Variants in NNT observed in about 807,000 individuals in gnomAD.
NNT encodes the protein nicotinamide nucleotide transhydrogenase.
In NNT, 50 loss-of-function variants were observed where a neutral mutation model predicts 104.8. The observed-to-expected ratio is 0.48, with a 90% CI of 0.38 to 0.60. The LOEUF (loss-of-function observed/expected upper bound fraction) is 0.60. NNT is among the 20% of genes least tolerant of loss of function. NNT has a pLI of 0.00. For missense variants in NNT, 1,131 were observed against 1,330.7 expected, an observed-to-expected ratio of 0.85 and a Z score of 2.33; for synonymous variants, 461 against 490.4, an observed-to-expected ratio of 0.94 and a Z score of 0.79.
chr5:43,606,331 C>A (rs932400068), intron 1 of NNT, among the ~76,000 whole-genome samples: 3 of 152,144 alleles, frequency 2.0e-5, no homozygotes, highest in Non-Finnish European at 4.4e-5. Context: ...CAAGAATAAT[C>A]TTTTACACAT....
Position 43,704,941 on chromosome 5 carries a change from A to G in NNT, c.*537A>G, listed in dbSNP as rs72760484. The G allele has an allele frequency of 6.5e-6, 1 of 152,724 alleles. No homozygotes were observed. Among genetic ancestry groups the G allele is most frequent in the Non-Finnish European group, 1.5e-5 (1 of 68,398 alleles). The allele number at this position is 152,724 out of a possible 1,614,324, so 9.5% of individuals were successfully genotyped here. A position where few individuals can be genotyped will look rare whatever the true frequency, so the allele number is the denominator to read the frequency against. ...CATATCAAATCAGTTTTAATTTTTT[A>G]AATTGTACTTCAGAGTCTATATTTC... On this transcript the variant is annotated 3_prime_UTR_variant, in exon 22 of 22. Transcript: ENST00000344920.
Position 43,645,653 on chromosome 5 carries a change from A to ATC in NNT, c.1444+173_1444+174dup, listed in dbSNP as rs372296149. ...TATATATCTACACATCTATCTATCT[A>ATC]TCTCTCTCTCTCTCTCTCTCTCTCT... On this transcript the variant is annotated intron_variant, in intron 10 of 21. Coordinates refer to ENST00000344920, the MANE Select transcript of NNT (RefSeq NM_182977.3). 482 of 68,550 alleles carry ATC rather than the reference A, an allele frequency of 7.0e-3. 3 individuals are homozygous for ATC. Among genetic ancestry groups the ATC allele is most frequent in the Non-Finnish European group, 8.2e-3 (324 of 39,292 alleles). The allele number at this position is 68,550 out of a possible 1,614,324, so 4.2% of individuals were successfully genotyped here. A position where few individuals can be genotyped will look rare whatever the true frequency, so the allele number is the denominator to read the frequency against.
rs1304171400 is a variant in NNT, at chr5:43,620,199, A to C, written c.687+1080A>C. Among the ~76,000 whole-genome samples, 22 of 152,156 alleles carry C rather than the reference A, an allele frequency of 1.4e-4. 1 individual carries two copies. The highest frequency in any genetic ancestry group is 1.5e-5 in the Non-Finnish European group (1 of 68,022). ...TAAATGTGATCATTTACCTACCTGT[A>C]GGTTACAGGTTAACTGGTGCTTCCT... On this transcript the variant is annotated intron_variant, in intron 5 of 21. Coordinates refer to ENST00000344920, the MANE Select transcript of NNT (RefSeq NM_182977.3).
At chr5:43,687,138 C>T (rs1400176391) in intron 19 of NNT, among the ~76,000 whole-genome samples, 1 of 151,990 alleles carries the variant, frequency 6.6e-6, no homozygotes, top group African/African-American at 2.4e-5. Flanking sequence ...TCAAGGAACT[C>T]TTAGGAGAGC....
At chr5:43,671,274 C>G (rs1358091756) in intron 17 of NNT, among the ~76,000 whole-genome samples, 1 of 152,090 alleles carries the variant, frequency 6.6e-6, no homozygotes, top group Non-Finnish European at 1.5e-5. Context: ...GAGCATTTAG[C>G]CCATTTACAT....
intron 4 of NNT, 37 bp downstream of exon 4, chr5:43,616,102 A>G (rs1749772469): frequency 6.5e-7 from 1 of 1,531,298 alleles, no homozygotes; most frequent in Admixed American, 1.7e-5. Context: ...CAAAAGCGCA[A>G]TAGTGCTACA....
At chr5:43,685,942 G>A (rs1741964984) in intron 19 of NNT, among the ~76,000 whole-genome samples, 1 of 152,034 alleles carries the variant, frequency 6.6e-6, no homozygotes, top group South Asian at 2.1e-4. Flanking sequence ...TTATAAAAGA[G>A]GCTTTTAAAA....
At chr5:43,670,906 G>A (rs113331713) in intron 17 of NNT, among the ~76,000 whole-genome samples, 1 of 151,998 alleles carries the variant, frequency 6.6e-6, no homozygotes, top group African/African-American at 2.4e-5. Flanking sequence ...CGTTATTATT[G>A]TATGGGAGTC....
chr5:43,656,618 A>G (rs761495486), intron 15 of NNT, 35 bp from the exon 16 acceptor site: 4 of 1,561,720 alleles, frequency 2.6e-6, no homozygotes, highest in African/African-American at 2.7e-5. Flanking sequence ...CTTACAACAC[A>G]TTCTGAATTG....
chr5:43,639,459 C>A (rs1434451157), intron 7 of NNT, among the ~76,000 whole-genome samples: 1 of 152,078 alleles, frequency 6.6e-6, no homozygotes, highest in African/African-American at 2.4e-5. Context: ...CAAATAACTG[C>A]CAACCAATTG....
At chr5:43,686,711 A>G (rs1742009978) in intron 19 of NNT, among the ~76,000 whole-genome samples, 1 of 152,158 alleles carries the variant, frequency 6.6e-6, no homozygotes, top group Non-Finnish European at 1.5e-5. Flanking sequence ...ACAAAAATGT[A>G]TTTGAACAGG....
chr5:43,678,073 T>G (rs565165171), intron 19 of NNT, among the ~76,000 whole-genome samples: 1 of 152,184 alleles, frequency 6.6e-6, no homozygotes, highest in East Asian at 1.9e-4. Context: ...GAAAGGAAAA[T>G]GTTACTAAGA....
intron 6 of NNT, among the ~76,000 whole-genome samples, chr5:43,625,227 AT>A (rs1412309665): frequency 2.0e-5 from 3 of 151,108 alleles, no homozygotes; most frequent in Non-Finnish European, 4.4e-5. Context: ...AAATGTATGT[AT>A]TTGACTTAAA....
Position 43,628,933 on chromosome 5 carries a change from ATG to A in NNT, c.964+548_964+549del, listed in dbSNP as rs758775381. 2.9e-3 allele frequency among the ~76,000 whole-genome samples: 416 copies of A among 145,596 alleles called. 4 individuals carry two copies. Among genetic ancestry groups the A allele is most frequent in the South Asian group, 8.9e-3 (41 of 4,630 alleles). Reference sequence around the variant, plus strand: ...ATTCATAGATTATACTGTGTGTACAATGTTTTTTTTTTTTTCCGAAGAATAAA... The same window carrying A: ...ATTCATAGATTATACTGTGTGTACAATTTTTTTTTTTTTCCGAAGAATAAA... On this transcript the variant is annotated intron_variant, in intron 7 of 21. Coordinates refer to ENST00000344920, the MANE Select transcript of NNT (RefSeq NM_182977.3).
chr5:43,625,176 C>T lies in NNT; in HGVS notation c.776+1056C>T, dbSNP rs188542344. Among the ~76,000 whole-genome samples, 380 of 151,994 alleles carry T rather than the reference C, an allele frequency of 2.5e-3. 6 individuals are homozygous for T. Among genetic ancestry groups the T allele is most frequent in the Non-Finnish European group, 2.6e-3 (174 of 67,920 alleles). ...ACCTCCAAGCCCATAGAAAGCCGGT[C>T]GTTTAAGTTTTCATTGTAGTGGACA... is the stretch of plus-strand genomic sequence containing the variant. On this transcript the variant is annotated intron_variant, in intron 6 of 21. Transcript: ENST00000344920.
intron 18 of NNT, among the ~76,000 whole-genome samples, chr5:43,676,605 C>T (rs1405462265): frequency 6.6e-6 from 1 of 152,170 alleles, no homozygotes; most frequent in East Asian, 1.9e-4. Flanking sequence ...TGGGACACTG[C>T]TGCATAATGA....
intron 5 of NNT, among the ~76,000 whole-genome samples, chr5:43,619,762 C>T (rs1389911083): frequency 6.6e-6 from 1 of 152,174 alleles, no homozygotes; most frequent in East Asian, 1.9e-4. Flanking sequence ...AAGAGAATAC[C>T]TGAGACTGGG....
rs1200310120 is a variant in NNT at position 43,615,981 on chromosome 5, C to G, written c.515C>G (p.Thr172Ser). ...CTAAATAAACTTTCCCAAAGAAAAACTACAGTTCTGGCAATGGACCAGGTT... is the reference window on the plus strand; with the variant it reads ...CTAAATAAACTTTCCCAAAGAAAAAGTACAGTTCTGGCAATGGACCAGGTT... ...ELLNKLSQRK[T>S]TVLAMDQVPR... The change falls in exon 4 of 22, where the codon ACT becomes AGT. Residue 172 changes from threonine to serine, a missense_variant. Coordinates refer to ENST00000344920, the MANE Select transcript of NNT (RefSeq NM_182977.3). 1 of 1,614,006 alleles carries G rather than the reference C, an allele frequency of 6.2e-7. No homozygotes were observed. Among genetic ancestry groups the G allele is most frequent in the Non-Finnish European group, 8.5e-7 (1 of 1,180,022 alleles).
intron 21 of NNT, 93 bp downstream of exon 21, chr5:43,702,829 G>C: frequency 1.1e-6 from 1 of 910,816 alleles, no homozygotes; most frequent in Non-Finnish European, 1.7e-6. Context: ...AAGAAATGAT[G>C]ATGCCTTCTA....
Sources: allele counts gnomAD v4.1 joint callset (sites outside exome capture counted in the v4.1 genomes callset), GRCh38; gene constraint gnomAD v4.1.1; transcripts MANE v1.5; gene names NCBI Gene and HGNC (gene_info 2026-07-23, HGNC 2026-07-21).